SND1: variants seen among roughly 807,000 people sequenced by gnomAD.
The protein encoded by SND1 is staphylococcal nuclease and tudor domain containing 1, also known as staphylococcal nuclease domain-containing protein 1.
SND1 carries 38 observed loss-of-function variants against 121.7 expected under a neutral mutation model. The observed-to-expected ratio is 0.31, with a 90% CI of 0.24 to 0.41. SND1 has a LOEUF of 0.41. Among genes scored for constraint, SND1 ranks in the 10% least tolerant of loss-of-function variants. The probability of loss-of-function intolerance (pLI) is 1.00; values close to 1 mark genes in which losing one functional copy is unlikely to be tolerated. For synonymous variants in SND1, 401 were observed against 447.4 expected, an observed-to-expected ratio of 0.90 and a Z score of 1.31; for missense variants, 868 against 1,184.6, an observed-to-expected ratio of 0.73 and a Z score of 3.92.
intron 11 of SND1, among the ~76,000 whole-genome samples, chr7:127,825,747 T>C (rs979170538): frequency 6.6e-6 from 1 of 152,212 alleles, no homozygotes; most frequent in African/African-American, 2.4e-5. Flanking sequence ...GTCTCTTCTG[T>C]ATTTTTTTCT....
At position 128,029,092 on chromosome 7, in the gene SND1, T is replaced by A; in HGVS notation, c.1779+38036T>A. 1 of 1,614,150 alleles carries A rather than the reference T, an allele frequency of 6.2e-7. No homozygotes were observed. The highest frequency in any genetic ancestry group is 2.2e-5 in the East Asian group (1 of 44,884). On this transcript the variant is annotated intron_variant, in intron 16 of 23. Coordinates refer to ENST00000354725, the MANE Select transcript of SND1 (RefSeq NM_014390.4). This position sits in a 1 kb window ranked among gnomAD's most constrained non-coding sequence, Gnocchi z 4.2. ...GTCTTCATGACTTCATCCAGGCTGGTCTGCATCTTGTCAGTGGTGTCTGTC... is the reference window on the plus strand; with the variant it reads ...GTCTTCATGACTTCATCCAGGCTGGACTGCATCTTGTCAGTGGTGTCTGTC...
At chr7:127,758,207 T>C (rs1797233857) in intron 10 of SND1, among the ~76,000 whole-genome samples, 2 of 152,228 alleles carry the variant, frequency 1.3e-5, no homozygotes, top group Non-Finnish European at 2.9e-5. Flanking sequence ...TAAAACAGTA[T>C]TGTTGATTAT....
intron 10 of SND1, among the ~76,000 whole-genome samples, chr7:127,746,028 G>T (rs1264876507): frequency 6.6e-6 from 1 of 152,160 alleles, no homozygotes; most frequent in East Asian, 1.9e-4. Context: ...TGCTGAGGAA[G>T]CTGTGACCTG....
intron 10 of SND1, among the ~76,000 whole-genome samples, chr7:127,744,040 T>C (rs1453860944): frequency 6.6e-6 from 1 of 152,210 alleles, no homozygotes; most frequent in African/African-American, 2.4e-5. Flanking sequence ...TTAAATTGTT[T>C]GTATGTGATT....
chr7:127,990,341 C>T (rs2116915648), intron 15 of SND1, among the ~76,000 whole-genome samples: 1 of 152,260 alleles, frequency 6.6e-6, no homozygotes, highest in South Asian at 2.1e-4. Context: ...AATATTTCAT[C>T]AGTATTCTGA....
chr7:127,984,880 G>T (rs1802348889), intron 15 of SND1, among the ~76,000 whole-genome samples: 1 of 152,152 alleles, frequency 6.6e-6, no homozygotes, highest in Non-Finnish European at 1.5e-5. Context: ...CCTCACTGTA[G>T]ATCTCCAGTG....
At chr7:127,881,649 G>A (rs76707109) in intron 12 of SND1, among the ~76,000 whole-genome samples, 20 of 152,150 alleles carry the variant, frequency 1.3e-4, no homozygotes, top group Non-Finnish European at 2.2e-4. Context: ...AAAACACACA[G>A]TCTGGTTCTC....
chr7:128,019,268 C>T (rs552934647), intron 16 of SND1, among the ~76,000 whole-genome samples: 1 of 152,358 alleles, frequency 6.6e-6, no homozygotes, highest in African/African-American at 2.4e-5. Flanking sequence ...CTGTACCAAG[C>T]CTGCTAGGGA....
chr7:127,904,644 TC>T (rs1448811042), intron 13 of SND1, 102 bp from the exon 14 acceptor site: 16 of 711,012 alleles, frequency 2.3e-5, no homozygotes, highest in Non-Finnish European at 4.1e-5. Flanking sequence ...TAGTCATACA[TC>T]CCCACTTTAA....
intron 16 of SND1, among the ~76,000 whole-genome samples, chr7:128,041,786 A>G (rs1190307756): frequency 2.0e-5 from 3 of 152,204 alleles, no homozygotes; most frequent in Non-Finnish European, 2.9e-5. Context: ...CACAGGTAAC[A>G]TGACCACCTT....
At chr7:127,877,198 G>A (rs1277567871) in intron 12 of SND1, among the ~76,000 whole-genome samples, 1 of 152,100 alleles carries the variant, frequency 6.6e-6, no homozygotes, top group Non-Finnish European at 1.5e-5. Flanking sequence ...CAAGATTACA[G>A]TACTGCAGAA....
chr7:127,678,445 C>T (rs1795652083), intron 1 of SND1, among the ~76,000 whole-genome samples: 1 of 152,118 alleles, frequency 6.6e-6, no homozygotes, highest in Admixed American at 6.5e-5. Flanking sequence ...GTTGGGTCTG[C>T]AAGTGTATCC....
rs936755004 is a variant in SND1 at position 128,085,555 on chromosome 7, G to A, written c.2235-156G>A. ...CCATTAGGTGGTGACCACAGTGGCC[G>A]AGGCTGGGCCTAGATGGAGTGCAGT... On this transcript the variant is annotated intron_variant, in intron 19 of 23. Transcript: ENST00000354725. This position sits in a 1 kb window ranked among gnomAD's most constrained non-coding sequence, Gnocchi z 4.4. 3.3e-5 allele frequency among the ~76,000 whole-genome samples: 5 copies of A among 152,102 alleles called. No homozygotes were observed. The highest frequency in any genetic ancestry group is 7.4e-5 in the Non-Finnish European group (5 of 68,008).
intron 16 of SND1, among the ~76,000 whole-genome samples, chr7:128,013,547 A>G (rs1300970944): frequency 6.6e-6 from 1 of 152,290 alleles, no homozygotes; most frequent in East Asian, 1.9e-4. Context: ...GCAGTCCCCA[A>G]CCTTTTTGGC....
At chr7:128,075,130 G>A (rs563684440) in intron 17 of SND1, among the ~76,000 whole-genome samples, 1 of 152,366 alleles carries the variant, frequency 6.6e-6, no homozygotes, top group South Asian at 2.1e-4. Flanking sequence ...CCTAGGAGAG[G>A]CCTCTAGCTG....
At chr7:128,059,589 A>G (rs949739064) in intron 16 of SND1, among the ~76,000 whole-genome samples, 5 of 152,198 alleles carry the variant, frequency 3.3e-5, no homozygotes, top group Admixed American at 2.6e-4. Flanking sequence ...CATATGTTTC[A>G]TCAGCTCAAC....
chr7:128,014,769 AC>A (rs1563089194), intron 16 of SND1, among the ~76,000 whole-genome samples: 1 of 152,210 alleles, frequency 6.6e-6, no homozygotes, highest in African/African-American at 2.4e-5. Context: ...AGAACAGTCC[AC>A]AGCTGTGTCT....
At chr7:127,872,422 GTAA>G (rs1166708130) in intron 12 of SND1, among the ~76,000 whole-genome samples, 1 of 152,140 alleles carries the variant, frequency 6.6e-6, no homozygotes, top group African/African-American at 2.4e-5. Context: ...AATGCTGTGT[GTAA>G]CTTCTTTCTT....
At chr7:128,001,738 C>T (rs1464566179) in intron 16 of SND1, among the ~76,000 whole-genome samples, 5 of 152,170 alleles carry the variant, frequency 3.3e-5, no homozygotes, top group Non-Finnish European at 7.3e-5. Flanking sequence ...TCAAGACCAA[C>T]CTGACCAACA....
Sources: allele counts gnomAD v4.1 joint callset (sites outside exome capture counted in the v4.1 genomes callset), GRCh38; gene constraint gnomAD v4.1.1; non-coding constraint Gnocchi (gnomAD v3.1); transcripts MANE v1.5; gene names NCBI Gene and HGNC (gene_info 2026-07-23, HGNC 2026-07-21).